The following SYN3 variants were observed in gnomAD, a reference collection of about 807,000 sequenced individuals.
SYN3 encodes synapsin III.
SYN3 carries 35 observed loss-of-function variants against 65.8 expected under a neutral mutation model. That is an observed-to-expected ratio of 0.53 (90% CI 0.41 to 0.70). The LOEUF (loss-of-function observed/expected upper bound fraction) is 0.70. SYN3 is among the 30% of genes least tolerant of loss of function. The pLI is 0.00. For synonymous variants in SYN3, 270 were observed against 292.9 expected (o/e 0.92, Z 0.80); for missense variants, 680 against 749.0 (o/e 0.91, Z 1.08).
At chr22:32,786,657 C>T (rs1418928489) in intron 6 of SYN3, among the ~76,000 whole-genome samples, 3 of 152,214 alleles carry the variant, frequency 2.0e-5, no homozygotes, top group Non-Finnish European at 2.9e-5. Flanking sequence ...CCACCACGCC[C>T]GGCCCTGCAA....
intron 7 of SYN3, among the ~76,000 whole-genome samples, chr22:32,554,088 G>A (rs560893851): frequency 3.7e-4 from 56 of 152,280 alleles, no homozygotes; most frequent in African/African-American, 1.3e-3. Context: ...AATCTCCGGA[G>A]GTACCAGTGT....
chr22:32,818,763 G>A (rs947505765), intron 6 of SYN3, among the ~76,000 whole-genome samples: 1 of 152,146 alleles, frequency 6.6e-6, no homozygotes, highest in Non-Finnish European at 1.5e-5. Context: ...GGATAAAACT[G>A]CTTCCACCTG....
intron 6 of SYN3, among the ~76,000 whole-genome samples, chr22:32,624,056 G>A (rs949229673): frequency 1.3e-5 from 2 of 152,156 alleles, no homozygotes; most frequent in East Asian, 1.9e-4. Context: ...GGCAATCCTC[G>A]GAGGCCCTTG....
intron 2 of SYN3, among the ~76,000 whole-genome samples, chr22:33,000,739 C>A (rs1480628529): frequency 6.6e-6 from 1 of 152,182 alleles, no homozygotes; most frequent in East Asian, 1.9e-4. Flanking sequence ...AGAAGGGGGC[C>A]CTGTGAGCTG....
chr22:32,623,397 T>A (rs533628746), intron 6 of SYN3, among the ~76,000 whole-genome samples: 6 of 152,290 alleles, frequency 3.9e-5, no homozygotes, highest in African/African-American at 1.4e-4. Context: ...GGTCTCATTA[T>A]GTTGCTCAGG....
intron 1 of SYN3, among the ~76,000 whole-genome samples, chr22:33,013,008 T>C (rs924731541): frequency 6.6e-6 from 1 of 152,244 alleles, no homozygotes; most frequent in South Asian, 2.1e-4. Flanking sequence ...TAGTTCAACT[T>C]AGGCTATGCC....
intron 1 of SYN3, among the ~76,000 whole-genome samples, chr22:33,009,289 G>A (rs1438779979): frequency 2.6e-5 from 4 of 152,114 alleles, no homozygotes; most frequent in Non-Finnish European, 4.4e-5. Flanking sequence ...TTTGGTTGTC[G>A]TCGTTTTCAT....
intron 3 of SYN3, chr22:32,947,362 A>C (rs2051145022): frequency 6.6e-6 from 1 of 152,224 alleles, no homozygotes; most frequent in South Asian, 2.1e-4. Context: ...AAAGCTGTTC[A>C]TTGTTTTATA....
At chr22:32,996,979 G>A (rs947047689) in intron 2 of SYN3, among the ~76,000 whole-genome samples, 7 of 152,206 alleles carry the variant, frequency 4.6e-5, no homozygotes, top group African/African-American at 1.2e-4. Flanking sequence ...GACGCTGGGT[G>A]TGTGCCGGGG....
intron 1 of SYN3, among the ~76,000 whole-genome samples, chr22:33,050,515 C>T (rs1471438536): frequency 2.8e-5 from 4 of 143,370 alleles, no homozygotes; most frequent in Admixed American, 7.0e-5. Flanking sequence ...CAAAGCAAAA[C>T]AAATTGAGGA....
chr22:32,583,580 G>A (rs2058980066), intron 7 of SYN3, among the ~76,000 whole-genome samples: 1 of 152,200 alleles, frequency 6.6e-6, no homozygotes, highest in Non-Finnish European at 1.5e-5. Context: ...CGTGTGATAT[G>A]CAGCCCTGTG....
intron 6 of SYN3, among the ~76,000 whole-genome samples, chr22:32,710,743 C>T (rs1432615902): frequency 1.3e-5 from 2 of 152,050 alleles, no homozygotes; most frequent in African/African-American, 4.8e-5. Flanking sequence ...TTGCCTTCTG[C>T]CATGATTTTA....
At chr22:32,642,756 A>G (rs1342024688) in intron 6 of SYN3, among the ~76,000 whole-genome samples, 1 of 151,926 alleles carries the variant, frequency 6.6e-6, no homozygotes, top group Non-Finnish European at 1.5e-5. Context: ...TGGGGGTCTC[A>G]CTATGTTGCC....
intron 6 of SYN3, among the ~76,000 whole-genome samples, chr22:32,848,210 C>T (rs959207694): frequency 2.6e-5 from 4 of 152,222 alleles, no homozygotes; most frequent in Admixed American, 1.3e-4. Flanking sequence ...TGGTAAATGC[C>T]TCTCTTTCAG....
At chr22:32,925,345 T>C (rs773803673) in intron 4 of SYN3, among the ~76,000 whole-genome samples, 2 of 152,174 alleles carry the variant, frequency 1.3e-5, no homozygotes, top group Non-Finnish European at 2.9e-5. Flanking sequence ...TCTGCAACAA[T>C]GCTATTTCTA....
At chr22:32,622,981 G>A (rs927316888) in intron 6 of SYN3, among the ~76,000 whole-genome samples, 11 of 152,078 alleles carry the variant, frequency 7.2e-5, no homozygotes, top group African/African-American at 2.7e-4. Flanking sequence ...TTAGGGGAGG[G>A]AGGGGCGAGG....
intron 6 of SYN3, among the ~76,000 whole-genome samples, chr22:32,603,484 C>A (rs1206414664): frequency 1.3e-5 from 2 of 150,596 alleles, no homozygotes; most frequent in Non-Finnish European, 2.9e-5. Context: ...CGTGCCACTG[C>A]ACTCCAGCCT....
chr22:33,036,678 C>CTTTTTTTTTTTTTT (rs133977), intron 1 of SYN3, among the ~76,000 whole-genome samples: 1 of 99,538 alleles, frequency 1.0e-5, no homozygotes, highest in African/African-American at 4.7e-5. Context: ...AGCCCAAGTT[C>CTTTTTTTTTTTTTT]TTTTTTTTTT....
intron 3 of SYN3, among the ~76,000 whole-genome samples, chr22:32,934,485 G>A (rs528798571): frequency 5.9e-5 from 9 of 152,302 alleles, no homozygotes; most frequent in South Asian, 2.1e-4. Flanking sequence ...GCCAGCTTCC[G>A]TGGGATCAAG....
Sources: gnomAD v4.1 joint callset for allele counts (sites outside exome capture counted in the v4.1 genomes callset) on GRCh38, gnomAD v4.1.1 for gene constraint, MANE v1.5 for transcripts, NCBI Gene and HGNC (gene_info 2026-07-23, HGNC 2026-07-21) for gene names.